Variants in CUBN observed in about 807,000 individuals in gnomAD.
CUBN encodes 460 kDa receptor.
In CUBN, 282 loss-of-function variants were observed where a neutral mutation model predicts 405.3. The observed-to-expected ratio is 0.70, with a 90% CI of 0.63 to 0.77. The LOEUF (loss-of-function observed/expected upper bound fraction) is 0.77. Among genes scored for constraint, CUBN ranks in the 30% least tolerant of loss-of-function variants. The pLI, the probability that CUBN is intolerant of heterozygous loss-of-function variation, is 0.00. For synonymous variants in CUBN, 1,684 were observed against 1,617.0 expected (o/e 1.04, Z -0.99); for missense variants, 4,514 against 4,475.2 (o/e 1.01, Z -0.25).
intron 64 of CUBN, among the ~76,000 whole-genome samples, chr10:16,833,611 C>T (rs914031048): frequency 6.6e-6 from 1 of 151,890 alleles, no homozygotes; most frequent in Middle Eastern, 3.2e-3. Flanking sequence ...GGAGCCAAAT[C>T]GGATGAGGGG....
At chr10:17,036,785 G>A (rs1473792124) in intron 27 of CUBN, among the ~76,000 whole-genome samples, 1 of 152,196 alleles carries the variant, frequency 6.6e-6, no homozygotes, top group South Asian at 2.1e-4. Context: ...TATCTATGGA[G>A]TCATGCAAAA....
chr10:17,079,182 T>A (rs926401785), intron 17 of CUBN, among the ~76,000 whole-genome samples: 1 of 151,702 alleles, frequency 6.6e-6, no homozygotes, highest in African/African-American at 2.4e-5. Context: ...TCTAACCAAA[T>A]GTTCCTAGTC....
chr10:16,851,498 G>A lies in CUBN; in HGVS notation c.9455-55C>T, dbSNP rs1322773396. 3.4e-6 allele frequency: 5 copies of A among 1,452,580 alleles called. No homozygotes were observed. The East Asian group carries it at 9.1e-5, about 26-fold the overall frequency. 90.0% of individuals were successfully genotyped at this position (1,452,580 alleles called of 1,614,324 possible). On this transcript the variant is annotated intron_variant, in intron 59 of 66. Coordinates refer to ENST00000377833, the MANE Select transcript of CUBN (RefSeq NM_001081.4). Reference sequence around the variant, plus strand: ...GACCAAACAGAACCGACCTTACATTGTACATGGAGGGTTTTTAAAAAGAAC... The same window carrying A: ...GACCAAACAGAACCGACCTTACATTATACATGGAGGGTTTTTAAAAAGAAC...
chr10:17,019,031 T>A (rs140390800), intron 28 of CUBN, among the ~76,000 whole-genome samples: 1 of 152,296 alleles, frequency 6.6e-6, no homozygotes, highest in East Asian at 1.9e-4. Flanking sequence ...ATTACTGGGC[T>A]CCACTTCAAA....
chr10:17,123,614 A>C lies in CUBN; in HGVS notation c.463T>G (p.Phe155Val), dbSNP rs2131324118. Residue 155 changes from phenylalanine (F) to valine (V), a missense_variant, in exon 5 of 67, where the codon TTT becomes GTT. By Grantham distance (50) the Phe-to-Val change is conservative (BLOSUM62 -1). This residue lies in a region of CUBN where 1,448 missense variants were observed against 1,388.0 expected (regional missense o/e 1.04). Coordinates refer to ENST00000377833, the MANE Select transcript of CUBN (RefSeq NM_001081.4). ...GTCLNLHDSFFCICPPQWKGP... is the reference protein window; with the variant it reads ...GTCLNLHDSFVCICPPQWKGP... ...TTCCACTGTGGGGGACAGATACAAA[A>C]AAAGGAATCATGCAGATTGAGGCAG... The C allele has an allele frequency of 6.2e-7, 1 of 1,614,016 alleles. No homozygotes were observed. Among genetic ancestry groups the C allele is most frequent in the Admixed American group, 1.7e-5 (1 of 60,018 alleles).
At chr10:16,960,530 G>T (rs1378098578) in intron 31 of CUBN, among the ~76,000 whole-genome samples, 13 of 151,852 alleles carry the variant, frequency 8.6e-5, no homozygotes. Context: ...AAAACAAAAA[G>T]CTTAACTTTA....
Position 17,110,990 on chromosome 10 carries a change from C to T in CUBN, c.944G>A (p.Gly315Asp). The T allele has an allele frequency of 6.2e-7, 1 of 1,614,150 alleles. No homozygotes were observed. The change falls in exon 9 of 67, where the codon GGC (glycine) becomes GAC (aspartate). Residue 315 changes from glycine to aspartate, a missense_variant. By Grantham distance (94) the Gly-to-Asp change is moderately conservative (BLOSUM62 -1). Around this residue, in one of 5 missense-constraint regions of CUBN, gnomAD observed 1,448 missense variants for 1,388.0 expected, o/e 1.04. Transcript: ENST00000377833. ...CTCAACGGGTGGAGCCACAGAACAG[C>T]CGCCGTTATTTATCTCACATTCATT... ...DINECEINNG[G>D]CSVAPPVECV...
chr10:16,829,342 G>GAAAAAAAAA (rs71287326), intron 65 of CUBN, among the ~76,000 whole-genome samples: 2 of 121,156 alleles, frequency 1.7e-5, no homozygotes, highest in Non-Finnish European at 3.4e-5. Context: ...GAGCAGAATG[G>GAAAAAAAAA]AAAAAAAAAA....
Position 16,835,225 on chromosome 10 carries a change from A to G in CUBN, c.10181-30T>C, listed in dbSNP as rs117311278. 3.1e-5 allele frequency: 47 copies of G among 1,540,362 alleles called. No homozygotes were observed. The South Asian group carries it at 4.4e-4, about 14-fold the overall frequency. On this transcript the variant is annotated intron_variant, in intron 63 of 66. Coordinates refer to ENST00000377833, the MANE Select transcript of CUBN (RefSeq NM_001081.4). ...GAGGAAAAATAGGCATAATTAATGTACGCATTCCAATATTTAGTGCTCTTT... is the reference window on the plus strand; with the variant it reads ...GAGGAAAAATAGGCATAATTAATGTGCGCATTCCAATATTTAGTGCTCTTT...
chr10:17,018,735 T>A (rs1286469968), intron 28 of CUBN, among the ~76,000 whole-genome samples: 1 of 152,172 alleles, frequency 6.6e-6, no homozygotes, highest in Non-Finnish European at 1.5e-5. Flanking sequence ...AGAGCACTGA[T>A]TCATACATTT....
In CUBN at chr10:16,840,433, A is replaced by G. The variant is rs1839309618; in HGVS notation, c.9929T>C (p.Ile3310Thr). The change falls in exon 62 of 67, where the codon ATT becomes ACT. Residue 3310 changes from isoleucine to threonine, a missense_variant. Transcript: ENST00000377833. ...GACCTGCTGATGCGGAGGGGAATCA[A>G]TGACCCAAGTACAGATGGAAAATGG... Reference protein sequence around the residue: ...DVPFSICTWVIDSPPHQQVKI... With the variant: ...DVPFSICTWVTDSPPHQQVKI... The G allele has an allele frequency of 6.2e-7, 1 of 1,614,172 alleles. No homozygotes were observed. Among genetic ancestry groups the G allele is most frequent in the Non-Finnish European group, 8.5e-7 (1 of 1,180,016 alleles).
At chr10:16,974,820 A>C (rs1833044758) in intron 31 of CUBN, among the ~76,000 whole-genome samples, 1 of 152,216 alleles carries the variant, frequency 6.6e-6, no homozygotes, top group Non-Finnish European at 1.5e-5. Flanking sequence ...GATGAGGATG[A>C]AGACCTTTAT....
chr10:17,097,339 G>A (rs4748350), intron 14 of CUBN, among the ~76,000 whole-genome samples: 143,735 of 152,142 alleles, frequency 0.94, 67,915 homozygotes, highest in Non-Finnish European at 0.96. Context: ...GAAAAAAATT[G>A]CCAAAACTGA....
At chr10:17,099,765 T>C (rs577053194) in intron 14 of CUBN, among the ~76,000 whole-genome samples, 2 of 152,020 alleles carry the variant, frequency 1.3e-5, no homozygotes, top group South Asian at 4.1e-4. Flanking sequence ...GGTGTGAGGA[T>C]CACTTGAGCA....
chr10:17,106,266 C>T (rs1159413809), intron 10 of CUBN, among the ~76,000 whole-genome samples: 1 of 151,728 alleles, frequency 6.6e-6, no homozygotes, highest in African/African-American at 2.4e-5. Context: ...GCCTGGGTGA[C>T]AGAGTGAGAC....
At chr10:17,050,530 G>A (rs868614087) in intron 22 of CUBN, among the ~76,000 whole-genome samples, 2 of 152,174 alleles carry the variant, frequency 1.3e-5, no homozygotes, top group African/African-American at 2.4e-5. Flanking sequence ...TCTGAGTAGG[G>A]CTTCCCATGG....
chr10:16,875,998 A>G (rs934592140), intron 57 of CUBN, among the ~76,000 whole-genome samples: 1 of 152,206 alleles, frequency 6.6e-6, no homozygotes, highest in Non-Finnish European at 1.5e-5. Flanking sequence ...ATACTTTACA[A>G]ACTGTGGGAG....
At chr10:16,855,949 G>A (rs1260404436) in intron 59 of CUBN, among the ~76,000 whole-genome samples, 3 of 152,114 alleles carry the variant, frequency 2.0e-5, no homozygotes, top group African/African-American at 4.8e-5. Context: ...AAAATGAAAT[G>A]TAAGTGTATA....
chr10:17,079,297 G>A (rs926438659), intron 17 of CUBN, among the ~76,000 whole-genome samples: 18 of 147,386 alleles, frequency 1.2e-4, no homozygotes, highest in Non-Finnish European at 2.4e-4. Context: ...GTATAGTGGC[G>A]TGATTTCAGC....
Sources: gnomAD v4.1 joint callset for allele counts (sites outside exome capture counted in the v4.1 genomes callset) on GRCh38, gnomAD v4.1.1 for gene constraint, gnomAD v4.1.1 regional missense constraint, MANE v1.5 for transcripts, NCBI Gene and HGNC (gene_info 2026-07-23, HGNC 2026-07-21) for gene names.